The following NALF1 variants were observed in gnomAD, a reference collection of about 807,000 sequenced individuals.
NALF1 encodes NALCN channel auxiliary factor 1.
Under a neutral mutation model 48.4 loss-of-function variants are expected in NALF1, and 3 were observed. The ratio of observed to expected loss-of-function variants is 0.06; its 90% CI spans 0.03 to 0.16. NALF1 has a LOEUF of 0.16. NALF1 is among the 10% of genes least tolerant of loss of function. The pLI is 1.00. For synonymous variants in NALF1, 262 were observed against 245.7 expected, an observed-to-expected ratio of 1.07 and a Z score of -0.62; for missense variants, 526 against 571.5, an observed-to-expected ratio of 0.92 and a Z score of 0.81.
intron 1 of NALF1, among the ~76,000 whole-genome samples, chr13:107,812,846 GT>G (rs1345647261): frequency 1.3e-5 from 2 of 152,056 alleles, no homozygotes; most frequent in Non-Finnish European, 1.5e-5. Flanking sequence ...TGTCACCTAG[GT>G]TGGCGTGCAG....
chr13:107,632,658 T>TA (rs764889278), intron 1 of NALF1, among the ~76,000 whole-genome samples: 107 of 152,130 alleles, frequency 7.0e-4, no homozygotes, highest in Middle Eastern at 6.8e-3. Context: ...CAACAAAAAG[T>TA]AAAAAATCCA....
chr13:107,641,856 G>T (rs60784147), intron 1 of NALF1, among the ~76,000 whole-genome samples: 1 of 152,090 alleles, frequency 6.6e-6, no homozygotes, highest in Non-Finnish European at 1.5e-5. Flanking sequence ...CTTCTCAAGC[G>T]TTTCTGTATA....
chr13:107,169,433 T>G lies in NALF1; in HGVS notation c.*1064A>C, dbSNP rs1163167457. On this transcript the variant is annotated 3_prime_UTR_variant, in exon 3 of 3. Coordinates refer to ENST00000375915, the MANE Select transcript of NALF1 (RefSeq NM_001080396.3). The stretch of plus-strand genomic sequence containing the variant: ...GTCCGCAATCCCTTTGTTTGTTCCC[T>G]GTAATTACAATGGCCAAAATGTGCT... The G allele has an allele frequency of 6.6e-6, 1 of 151,510 alleles. No individual in the cohort carries two copies. Among genetic ancestry groups the G allele is most frequent in the Non-Finnish European group, 1.5e-5 (1 of 67,930 alleles). The allele number at this position is 151,510 out of a possible 1,614,324, so 9.4% of individuals were successfully genotyped here.
At chr13:107,864,701 C>T (rs1880662841) in intron 1 of NALF1, among the ~76,000 whole-genome samples, 1 of 152,202 alleles carries the variant, frequency 6.6e-6, no homozygotes, top group South Asian at 2.1e-4. Context: ...TCTTCATCTT[C>T]AGTACAGCTC....
intron 1 of NALF1, among the ~76,000 whole-genome samples, chr13:107,536,246 G>A (rs1486159805): frequency 6.6e-6 from 1 of 152,098 alleles, no homozygotes; most frequent in Non-Finnish European, 1.5e-5. Context: ...TTAAACTAAA[G>A]AGCTCCTGCA....
intron 1 of NALF1, among the ~76,000 whole-genome samples, chr13:107,479,639 A>G (rs1024983823): frequency 2.2e-5 from 3 of 138,276 alleles, no homozygotes; most frequent in Non-Finnish European, 5.0e-5. Context: ...TTGCTCTTGG[A>G]AAAAAAAATG....
intron 1 of NALF1, among the ~76,000 whole-genome samples, chr13:107,471,983 T>A (rs1200925156): frequency 6.6e-6 from 1 of 152,222 alleles, no homozygotes; most frequent in African/African-American, 2.4e-5. Context: ...TTACCAACAG[T>A]ACTTTTTCTG....
chr13:107,574,314 T>A (rs1383855197), intron 1 of NALF1, among the ~76,000 whole-genome samples: 1 of 152,184 alleles, frequency 6.6e-6, no homozygotes, highest in East Asian at 1.9e-4. Flanking sequence ...CCTATACCAT[T>A]TTTATTCTAT....
At chr13:107,451,222 C>T (rs1304782509) in intron 1 of NALF1, among the ~76,000 whole-genome samples, 2 of 151,984 alleles carry the variant, frequency 1.3e-5, no homozygotes, top group Non-Finnish European at 2.9e-5. Context: ...CGCCAGGAGG[C>T]AGATGCCAGA....
At chr13:107,306,372 T>A (rs1881936575) in intron 1 of NALF1, among the ~76,000 whole-genome samples, 1 of 152,196 alleles carries the variant, frequency 6.6e-6, no homozygotes, top group Non-Finnish European at 1.5e-5. Flanking sequence ...AATCCCACCA[T>A]CGGGTTCCAC....
At chr13:107,254,615 C>T (rs926751008) in intron 1 of NALF1, among the ~76,000 whole-genome samples, 3 of 152,168 alleles carry the variant, frequency 2.0e-5, no homozygotes, top group Non-Finnish European at 4.4e-5. Context: ...TATTTGGTAT[C>T]TGCCCACTTG....
At chr13:107,443,606 A>T (rs188762736) in intron 1 of NALF1, among the ~76,000 whole-genome samples, 9 of 151,854 alleles carry the variant, frequency 5.9e-5, no homozygotes, top group Non-Finnish European at 1.0e-4. Flanking sequence ...TTCTCTTTAA[A>T]CTAATTTTTA....
At chr13:107,809,570 G>A (rs1878922253) in intron 1 of NALF1, among the ~76,000 whole-genome samples, 1 of 152,116 alleles carries the variant, frequency 6.6e-6, no homozygotes, top group African/African-American at 2.4e-5. Context: ...TTTCTGCACA[G>A]CAAATTTAAA....
At chr13:107,500,959 G>A (rs1167383801) in intron 1 of NALF1, among the ~76,000 whole-genome samples, 4 of 151,820 alleles carry the variant, frequency 2.6e-5, no homozygotes, top group Admixed American at 2.0e-4. Flanking sequence ...TTGTGGGGTG[G>A]GGGGAGTGGG....
chr13:107,291,966 A>G (rs1233186667), intron 1 of NALF1, among the ~76,000 whole-genome samples: 5 of 152,218 alleles, frequency 3.3e-5, no homozygotes, highest in Non-Finnish European at 7.3e-5. Flanking sequence ...GTGACATAAA[A>G]TATCCTGCTC....
intron 2 of NALF1, among the ~76,000 whole-genome samples, chr13:107,205,655 A>C (rs1879625229): frequency 1.3e-5 from 2 of 152,196 alleles, no homozygotes; most frequent in African/African-American, 4.8e-5. Context: ...ATTTACATAG[A>C]ATTCTTAAAA....
At chr13:107,403,296 C>A (rs1385036590) in intron 1 of NALF1, among the ~76,000 whole-genome samples, 5 of 129,886 alleles carry the variant, frequency 3.8e-5, no homozygotes, top group African/African-American at 1.4e-4. Context: ...ATTTCTAGTT[C>A]TTAAAAACTC....
intron 1 of NALF1, among the ~76,000 whole-genome samples, chr13:107,250,887 C>G (rs2138844121): frequency 6.6e-6 from 1 of 152,272 alleles, no homozygotes; most frequent in East Asian, 1.9e-4. Context: ...CCCCTTCACT[C>G]TCTTCCTCCT....
intron 1 of NALF1, among the ~76,000 whole-genome samples, chr13:107,460,006 T>C (rs1168315782): frequency 1.3e-5 from 2 of 152,180 alleles, no homozygotes; most frequent in Admixed American, 6.5e-5. Flanking sequence ...CCTTCCGAAG[T>C]GCTGGGATTA....
Sources: allele counts gnomAD v4.1 joint callset (sites outside exome capture counted in the v4.1 genomes callset), GRCh38; gene constraint gnomAD v4.1.1; transcripts MANE v1.5; gene names NCBI Gene and HGNC (gene_info 2026-07-23, HGNC 2026-07-21).